The following DDHD1 variants were observed in gnomAD, a reference collection of about 807,000 sequenced individuals.
DDHD1 encodes the protein DDHD domain containing 1, also known as phospholipase DDHD1.
DDHD1 carries 49 observed loss-of-function variants against 96.4 expected under a neutral mutation model. The ratio of observed to expected loss-of-function variants is 0.51; its 90% CI spans 0.40 to 0.64. DDHD1 has a LOEUF of 0.64. DDHD1 is among the 30% of genes least tolerant of loss of function. The probability of loss-of-function intolerance (pLI) is 0.00; values close to 1 mark genes in which losing one functional copy is unlikely to be tolerated. For synonymous variants in DDHD1, 442 were observed against 446.5 expected (o/e 0.99, Z 0.13); for missense variants, 1,106 against 1,161.2 (o/e 0.95, Z 0.69).
chr14:53,073,999 G>A, intron 4 of DDHD1, 152 bp from the exon 5 acceptor site: 1 of 595,654 alleles, frequency 1.7e-6, no homozygotes, highest in Non-Finnish European at 2.8e-6. Context: ...CACTAAACAA[G>A]TCTGCAATAC....
chr14:53,051,757 A>T (rs531246953), intron 12 of DDHD1, 87 bp downstream of exon 12: 3 of 1,068,522 alleles, frequency 2.8e-6, no homozygotes, highest in Non-Finnish European at 4.1e-6. Context: ...CTCATAGAAG[A>T]ACTGATCCAA....
intron 1 of DDHD1, among the ~76,000 whole-genome samples, chr14:53,132,081 C>A (rs1360166985): frequency 6.6e-6 from 1 of 152,088 alleles, no homozygotes; most frequent in African/African-American, 2.4e-5. Flanking sequence ...ACCTAGCTGA[C>A]CCCATAAATC....
chr14:53,152,133 C>CT, intron 1 of DDHD1, 128 bp downstream of exon 1: 14 of 1,000,360 alleles, frequency 1.4e-5, no homozygotes, highest in Admixed American at 1.2e-4. Flanking sequence ...CAATCTCCAT[C>CT]CTGCCCCAGC....
chr14:53,103,008 T>C (rs1459675700), intron 2 of DDHD1: 1 of 1,555,450 alleles, frequency 6.4e-7, no homozygotes, highest in Admixed American at 2.0e-5. Flanking sequence ...CAAATTCTAA[T>C]CTACCTGTAC....
At chr14:53,150,227 C>T (rs1032977210) in intron 1 of DDHD1, 1 of 152,196 alleles carries the variant, frequency 6.6e-6, no homozygotes, top group African/African-American at 2.4e-5. Context: ...AATGCCCTTC[C>T]CTCTATTTCT....
chr14:53,120,257 T>A (rs1180090330), intron 1 of DDHD1, among the ~76,000 whole-genome samples: 2 of 152,176 alleles, frequency 1.3e-5, no homozygotes, highest in African/African-American at 4.8e-5. Flanking sequence ...GTGAAGGACG[T>A]CTTCAAGACG....
At position 53,152,425 on chromosome 14, in the gene DDHD1, G is replaced by C; in HGVS notation, c.674C>G (p.Ser225Cys). Residue 225 changes from serine to cysteine, a missense_variant, in exon 1 of 13, where the codon TCC becomes TGC. Transcript: ENST00000673822. ...VCSPTGPASS[S>C]GEDDDEDRAC... ...GCGGTCCTCATCGTCATCTTCTCCG[G>C]AACTGGAGGCTGGGCCCGTGGGGGA... 6.2e-7 allele frequency: 1 copy of C among 1,613,836 alleles called. No homozygotes were observed. Among genetic ancestry groups the C allele is most frequent in the Non-Finnish European group, 8.5e-7 (1 of 1,179,970 alleles).
intron 1 of DDHD1, among the ~76,000 whole-genome samples, chr14:53,146,887 A>C (rs1891022972): frequency 1.3e-5 from 2 of 151,826 alleles, no homozygotes; most frequent in African/African-American, 2.4e-5. Flanking sequence ...TTGTGGAAAA[A>C]CAGAAGGGAC....
At chr14:53,115,586 G>A (rs1014124864) in intron 1 of DDHD1, among the ~76,000 whole-genome samples, 6 of 152,162 alleles carry the variant, frequency 3.9e-5, no homozygotes, top group South Asian at 2.1e-4. Flanking sequence ...CATTCTTAAG[G>A]AAAAGAATTT....
chr14:53,132,827 C>T (rs745369484), intron 1 of DDHD1, among the ~76,000 whole-genome samples: 2 of 152,204 alleles, frequency 1.3e-5, no homozygotes, highest in African/African-American at 2.4e-5. Context: ...CTCAGGGCAA[C>T]GCTTCTGCTG....
chr14:53,069,722 G>T (rs557855752), intron 6 of DDHD1, among the ~76,000 whole-genome samples: 2 of 152,160 alleles, frequency 1.3e-5, no homozygotes, highest in Non-Finnish European at 2.9e-5. Flanking sequence ...AGAAATTGTT[G>T]AATTTACAAT....
chr14:53,073,903 T>C (rs1884738972), intron 4 of DDHD1, 56 bp from the exon 5 acceptor site: 13 of 1,426,882 alleles, frequency 9.1e-6, no homozygotes, highest in Non-Finnish European at 1.3e-5. Context: ...TAACTTCACA[T>C]ATAAATTTAT....
intron 2 of DDHD1, chr14:53,103,474 C>CTTACCATACATATTAAAATATGTATATT: frequency 2.1e-6 from 1 of 465,484 alleles, no homozygotes; most frequent in Non-Finnish European, 3.7e-6. Context: ...TATCATGACA[C>CTTACCATACATATTAAAATATGTATATT]TTACCATACA....
intron 2 of DDHD1, among the ~76,000 whole-genome samples, chr14:53,098,526 C>G (rs116479185): frequency 0.01 from 1,534 of 152,042 alleles, 31 homozygotes; most frequent in African/African-American, 0.035. Flanking sequence ...AACCTGCCAA[C>G]TATAATGAGA....
intron 1 of DDHD1, among the ~76,000 whole-genome samples, chr14:53,125,321 A>G (rs1347240406): frequency 6.6e-6 from 1 of 152,214 alleles, no homozygotes; most frequent in Non-Finnish European, 1.5e-5. Flanking sequence ...TAGGCAATGC[A>G]GAATTTTATA....
At chr14:53,108,007 C>T (rs1484931085) in intron 1 of DDHD1, among the ~76,000 whole-genome samples, 1 of 152,236 alleles carries the variant, frequency 6.6e-6, no homozygotes, top group Non-Finnish European at 1.5e-5. Flanking sequence ...CCAGCAACAG[C>T]TACCCTCTTT....
intron 4 of DDHD1, among the ~76,000 whole-genome samples, chr14:53,078,406 C>T (rs1885153874): frequency 6.6e-6 from 1 of 152,184 alleles, no homozygotes; most frequent in South Asian, 2.1e-4. Flanking sequence ...GATTTATTGG[C>T]CATTTGTATA....
Position 53,046,952 on chromosome 14 carries a change from A to T in DDHD1, c.2522-3T>A. 1.3e-6 allele frequency: 2 copies of T among 1,597,928 alleles called. No individual in the cohort carries two copies. Among genetic ancestry groups the T allele is most frequent in the Admixed American group, 3.5e-5 (2 of 56,680 alleles). On this transcript the variant is annotated splice_polypyrimidine_tract_variant and splice_region_variant and intron_variant, in intron 12 of 12. Coordinates refer to ENST00000673822, the MANE Select transcript of DDHD1 (RefSeq NM_001160148.2). ...ATCAATCCTGTGATCCAACTCCACT[A>T]AAAAGAAAAGAAGTTAAACAAATGA...
chr14:53,153,174 C>G lies in DDHD1; in HGVS notation c.-76G>C. 1 of 1,219,792 alleles carries G rather than the reference C, an allele frequency of 8.2e-7. No homozygotes were observed. The highest frequency in any genetic ancestry group is 1.1e-6 in the Non-Finnish European group (1 of 942,104). The allele number at this position is 1,219,792 out of a possible 1,614,324, so 75.6% of individuals were successfully genotyped here. ...AGCGCTTCCGCCACACATTCAACGC[C>G]GCCGCCCTCTCCACCCGAAGTTTCT... On this transcript the variant is annotated 5_prime_UTR_variant, in exon 1 of 13. Coordinates refer to ENST00000673822, the MANE Select transcript of DDHD1 (RefSeq NM_001160148.2).
Sources: gnomAD v4.1 joint callset for allele counts (sites outside exome capture counted in the v4.1 genomes callset) on GRCh38, gnomAD v4.1.1 for gene constraint, MANE v1.5 for transcripts, NCBI Gene and HGNC (gene_info 2026-07-23, HGNC 2026-07-21) for gene names.